The following TRAF3 variants were observed in gnomAD, a reference collection of about 807,000 sequenced individuals.
TRAF3 encodes TNF receptor-associated factor 3.
Under a neutral mutation model 62.3 loss-of-function variants are expected in TRAF3, and 13 were observed. The ratio of observed to expected loss-of-function variants is 0.21; its 90% CI spans 0.14 to 0.33. The LOEUF (loss-of-function observed/expected upper bound fraction) is 0.33, where lower values mean the gene tolerates loss of function less well. Ranked by LOEUF, TRAF3 falls within the 10% of genes least tolerant of loss-of-function variation. The pLI, the probability that TRAF3 is intolerant of heterozygous loss-of-function variation, is 1.00. For synonymous variants in TRAF3, 269 were observed against 283.4 expected (o/e 0.95, Z 0.51); for missense variants, 440 against 741.8 (o/e 0.59, Z 4.73).
intron 9 of TRAF3, among the ~76,000 whole-genome samples, chr14:102,895,814 C>G (rs996605948): frequency 6.6e-6 from 1 of 152,236 alleles, no homozygotes; most frequent in Non-Finnish European, 1.5e-5. Context: ...GTTGGAAATG[C>G]TCACTCAGCA....
intron 10 of TRAF3, among the ~76,000 whole-genome samples, chr14:102,900,652 CGGCCTTCACT>C (rs1188785697): frequency 1.3e-5 from 2 of 152,242 alleles, no homozygotes; most frequent in Non-Finnish European, 2.9e-5. Context: ...TCCATCCACG[CGGCCTTCACT>C]CAGGCTGCCG....
chr14:102,811,913 C>CTTTTTTTTTTTTTTTTTTTTTTTTT (rs71119743), intron 1 of TRAF3, among the ~76,000 whole-genome samples: 3 of 47,090 alleles, frequency 6.4e-5, no homozygotes, highest in African/African-American at 8.2e-5. Context: ...ATGCCTGGCC[C>CTTTTTTTTTTTTTTTTTTTTTTTTT]TTTTTTTTTT....
intron 1 of TRAF3, among the ~76,000 whole-genome samples, chr14:102,811,550 G>GTTTTTTTTTTTTT (rs35064640): frequency 8.8e-5 from 7 of 79,482 alleles, no homozygotes; most frequent in Non-Finnish European, 1.4e-4. Flanking sequence ...GCTGTAGGCG[G>GTTTTTTTTTTTTT]TTTTTTTTTT....
Position 102,906,071 on chromosome 14 carries a change from G to A in TRAF3, c.*287G>A. ...TTTTAAAGATCTAGTTAATTAAGGT[G>A]GAAAACATATATGCTAAACAAAAGA... On this transcript the variant is annotated 3_prime_UTR_variant, in exon 12 of 12. Coordinates refer to ENST00000392745, the MANE Select transcript of TRAF3 (RefSeq NM_145725.3). The A allele has an allele frequency of 2.9e-6, 1 of 341,076 alleles. No individual in the cohort carries two copies. Among genetic ancestry groups the A allele is most frequent in the Non-Finnish European group, 5.4e-6 (1 of 186,536 alleles). The allele number at this position is 341,076 out of a possible 1,614,324, so 21.1% of individuals were successfully genotyped here.
At chr14:102,895,816 C>T (rs1377557007) in intron 9 of TRAF3, among the ~76,000 whole-genome samples, 1 of 152,210 alleles carries the variant, frequency 6.6e-6, no homozygotes, top group East Asian at 1.9e-4. Flanking sequence ...TGGAAATGCT[C>T]ACTCAGCAAG....
At chr14:102,798,368 G>A (rs1453213243) in intron 1 of TRAF3, among the ~76,000 whole-genome samples, 3 of 151,974 alleles carry the variant, frequency 2.0e-5, no homozygotes, top group East Asian at 1.9e-4. Flanking sequence ...GGCCAGGTAC[G>A]GTAGCTCACA....
chr14:102,819,869 C>T (rs1347520022), intron 1 of TRAF3, among the ~76,000 whole-genome samples: 1 of 152,222 alleles, frequency 6.6e-6, no homozygotes, highest in Non-Finnish European at 1.5e-5. Flanking sequence ...CAGGGCATAC[C>T]GCCAAGTGAG....
At chr14:102,827,123 T>C (rs1445623550) in intron 1 of TRAF3, among the ~76,000 whole-genome samples, 2 of 152,236 alleles carry the variant, frequency 1.3e-5, no homozygotes, top group Non-Finnish European at 2.9e-5. Flanking sequence ...CTCCCTGTAG[T>C]CCAGCTGAGT....
chr14:102,813,476 A>T (rs1416248869), intron 1 of TRAF3, among the ~76,000 whole-genome samples: 3 of 144,058 alleles, frequency 2.1e-5, no homozygotes, highest in Non-Finnish European at 4.5e-5. Context: ...TTTGAGACGG[A>T]GTCTCACTCT....
chr14:102,829,784 C>T (rs542818944), intron 1 of TRAF3, among the ~76,000 whole-genome samples: 34 of 152,176 alleles, frequency 2.2e-4, no homozygotes, highest in African/African-American at 7.7e-4. Flanking sequence ...AAATGATAAA[C>T]GAGGGCCTAT....
chr14:102,850,526 G>C (rs1366442979), intron 2 of TRAF3, among the ~76,000 whole-genome samples: 2 of 151,840 alleles, frequency 1.3e-5, no homozygotes, highest in Non-Finnish European at 2.9e-5. Flanking sequence ...GTGAAACCCT[G>C]TCTCTACTAA....
At chr14:102,890,292 T>C (rs1346394574) in intron 8 of TRAF3, among the ~76,000 whole-genome samples, 1 of 152,264 alleles carries the variant, frequency 6.6e-6, no homozygotes, top group Non-Finnish European at 1.5e-5. Context: ...AATATATGTA[T>C]CTTAAAACTA....
chr14:102,833,938 A>C (rs983549706), intron 2 of TRAF3, among the ~76,000 whole-genome samples: 18 of 150,796 alleles, frequency 1.2e-4, no homozygotes, highest in African/African-American at 4.4e-4. Flanking sequence ...GCAGTGAGCC[A>C]AGATTGCGCC....
intron 2 of TRAF3, among the ~76,000 whole-genome samples, chr14:102,832,584 T>C (rs1290652452): frequency 6.6e-6 from 1 of 152,156 alleles, no homozygotes; most frequent in Non-Finnish European, 1.5e-5. Flanking sequence ...TGAGGCAGAA[T>C]TGCTTGAACC....
intron 2 of TRAF3, among the ~76,000 whole-genome samples, chr14:102,851,732 A>G (rs1229235046): frequency 1.3e-5 from 2 of 152,014 alleles, no homozygotes; most frequent in Admixed American, 6.6e-5. Flanking sequence ...CGACAGAGCA[A>G]GACTCTGCCT....
In TRAF3 at chr14:102,864,191, C is replaced by T. The variant is rs992829415; in HGVS notation, c.-17-5994C>T. On this transcript the variant is annotated intron_variant, in intron 2 of 11. Transcript: ENST00000392745. Reference sequence around the variant, plus strand: ...GGAGACGGATTCTTGCGCTCTCACCCGGGCTGGAGTGCAGTGGCGCCATCA... The same window carrying T: ...GGAGACGGATTCTTGCGCTCTCACCTGGGCTGGAGTGCAGTGGCGCCATCA... 6.7e-5 allele frequency among the ~76,000 whole-genome samples: 10 copies of T among 150,268 alleles called. 1 individual carries two copies. Among genetic ancestry groups the T allele is most frequent in the African/African-American group, 2.0e-4 (8 of 40,806 alleles).
Position 102,835,053 on chromosome 14 carries a change from C to G in TRAF3, c.-18+4581C>G, listed in dbSNP as rs186847108. ...ATAAGGAACTTAAGAAACTTAAGAA[C>G]TACAAGAAAAAAAACAACCCCATTA... is the stretch of plus-strand genomic sequence containing the variant. On this transcript the variant is annotated intron_variant, in intron 2 of 11. Transcript: ENST00000392745. Among the ~76,000 whole-genome samples, 867 of 152,054 alleles carry G rather than the reference C, an allele frequency of 5.7e-3. 9 individuals are homozygous for G. Among genetic ancestry groups the G allele is most frequent in the Admixed American group, 9.9e-3 (151 of 15,276 alleles).
chr14:102,828,947 C>G (rs1019517387), intron 1 of TRAF3, among the ~76,000 whole-genome samples: 3 of 152,164 alleles, frequency 2.0e-5, no homozygotes, highest in African/African-American at 7.2e-5. Flanking sequence ...AAAATCTCAG[C>G]CACTGGCTGT....
rs1259166810 is a variant in TRAF3 at position 102,908,040 on chromosome 14, A to G, written c.*2256A>G. 1 of 152,216 alleles carries G rather than the reference A, an allele frequency of 6.6e-6. No individual in the cohort carries two copies. Among genetic ancestry groups the G allele is most frequent in the Non-Finnish European group, 1.5e-5 (1 of 68,032 alleles). The allele number at this position is 152,216 out of a possible 1,614,324, so 9.4% of individuals were successfully genotyped here. ...GGTTAACAACAGGGACATCCCTGCA[A>G]CTTCCCCTTCACAAAATGTATAATA... On this transcript the variant is annotated 3_prime_UTR_variant, in exon 12 of 12. Transcript: ENST00000392745.
Sources: allele counts gnomAD v4.1 joint callset (sites outside exome capture counted in the v4.1 genomes callset), GRCh38; gene constraint gnomAD v4.1.1; transcripts MANE v1.5; gene names NCBI Gene and HGNC (gene_info 2026-07-23, HGNC 2026-07-21).